DAB1: variants seen among roughly 807,000 people sequenced by gnomAD.
DAB1 encodes the protein disabled homolog 1.
Under a neutral mutation model 64.6 loss-of-function variants are expected in DAB1, and 15 were observed. The ratio of observed to expected loss-of-function variants is 0.23; its 90% CI spans 0.16 to 0.36. DAB1 has a LOEUF of 0.36. Ranked by LOEUF, DAB1 falls within the 10% of genes least tolerant of loss-of-function variation. The pLI is 1.00. For synonymous variants in DAB1, 235 were observed against 251.9 expected, an observed-to-expected ratio of 0.93 and a Z score of 0.64; for missense variants, 596 against 706.7, an observed-to-expected ratio of 0.84 and a Z score of 1.78.
At chr1:58,138,910 G>A (rs1428152195) in intron 5 of DAB1, among the ~76,000 whole-genome samples, 1 of 152,164 alleles carries the variant, frequency 6.6e-6, no homozygotes, top group African/African-American at 2.4e-5. Context: ...ATAGGTAAAT[G>A]GATGGACAAA....
intron 4 of DAB1, among the ~76,000 whole-genome samples, chr1:58,270,910 A>G (rs1225710827): frequency 1.1e-4 from 4 of 35,948 alleles, no homozygotes; most frequent in African/African-American, 2.8e-4. Context: ...TTATCAGCTT[A>G]AGGAGAGTTT....
At chr1:58,312,700 A>G (rs955275684) in intron 4 of DAB1, among the ~76,000 whole-genome samples, 1 of 152,190 alleles carries the variant, frequency 6.6e-6, no homozygotes, top group Non-Finnish European at 1.5e-5. Flanking sequence ...GGAAATGAAT[A>G]GCAAATGTTT....
At chr1:57,723,761 A>T (rs1256718986) in intron 6 of DAB1, among the ~76,000 whole-genome samples, 1 of 152,264 alleles carries the variant, frequency 6.6e-6, no homozygotes, top group Non-Finnish European at 1.5e-5. Flanking sequence ...ATAAACCCAC[A>T]TGGCTTTTTT....
chr1:57,156,149 C>A (rs1235915632), intron 2 of DAB1, among the ~76,000 whole-genome samples: 1 of 152,122 alleles, frequency 6.6e-6, no homozygotes, highest in Non-Finnish European at 1.5e-5. Flanking sequence ...TGTGCCTCCG[C>A]TTTCACCCTC....
intron 4 of DAB1, among the ~76,000 whole-genome samples, chr1:58,340,187 A>G (rs1250107714): frequency 6.6e-6 from 1 of 152,212 alleles, no homozygotes; most frequent in Non-Finnish European, 1.5e-5. Flanking sequence ...GAATATTAAC[A>G]GAAAGGATTT....
intron 5 of DAB1, among the ~76,000 whole-genome samples, chr1:57,961,368 CCTT>C (rs1320275555): frequency 6.6e-6 from 1 of 152,046 alleles, no homozygotes; most frequent in Non-Finnish European, 1.5e-5. Flanking sequence ...TTTTCAATTT[CCTT>C]CTTCTCAAAA....
chr1:57,674,163 T>G lies in DAB1; in HGVS notation n.552-24498A>C, dbSNP rs573425588. 1.7e-3 allele frequency among the ~76,000 whole-genome samples: 252 copies of G among 152,298 alleles called. 3 individuals are homozygous for G. Among genetic ancestry groups the G allele is most frequent in the South Asian group, 4.3e-3 (21 of 4,832 alleles). Reference sequence around the variant, plus strand: ...ATGTGTTTACACCATCTGGTCTCTATAAACTAGAAGTAATTCTGTCTCAAG... The same window carrying G: ...ATGTGTTTACACCATCTGGTCTCTAGAAACTAGAAGTAATTCTGTCTCAAG... On this transcript the variant is annotated intron_variant and non_coding_transcript_variant, in intron 6 of 20. Transcript: ENST00000485760.
intron 2 of DAB1, among the ~76,000 whole-genome samples, chr1:57,169,412 T>C (rs1661516706): frequency 6.6e-6 from 1 of 152,218 alleles, no homozygotes; most frequent in Non-Finnish European, 1.5e-5. Flanking sequence ...ACTTTAAAGA[T>C]GAGGAAACCA....
chr1:57,062,530 T>C (rs1173312225), intron 9 of DAB1, among the ~76,000 whole-genome samples: 2 of 152,170 alleles, frequency 1.3e-5, no homozygotes, highest in South Asian at 2.1e-4. Flanking sequence ...TTAGATACCA[T>C]AATACTGTAA....
At chr1:57,754,061 G>T (rs947785697) in intron 6 of DAB1, among the ~76,000 whole-genome samples, 1 of 152,194 alleles carries the variant, frequency 6.6e-6, no homozygotes. Flanking sequence ...GAGCAAGAAT[G>T]AGAGCTTATC....
chr1:57,663,593 T>C (rs2101673363), intron 6 of DAB1, among the ~76,000 whole-genome samples: 1 of 152,244 alleles, frequency 6.6e-6, no homozygotes, highest in Middle Eastern at 3.4e-3. Context: ...TTGTCTGCGG[T>C]AATGAGAGTT....
At chr1:58,385,186 G>A (rs1644422824) in intron 3 of DAB1, among the ~76,000 whole-genome samples, 1 of 152,224 alleles carries the variant, frequency 6.6e-6, no homozygotes, top group Non-Finnish European at 1.5e-5. Flanking sequence ...GATGGTAGCA[G>A]GAGTGTATAC....
At chr1:58,372,378 C>T (rs2093864) in intron 3 of DAB1, among the ~76,000 whole-genome samples, 111,429 of 152,098 alleles carry the variant, frequency 0.73, 42,076 homozygotes, top group Middle Eastern at 0.84. Context: ...AATGGGAGCA[C>T]TTATCCAACG....
intron 1 of DAB1, among the ~76,000 whole-genome samples, chr1:57,837,832 C>T (rs1486678377): frequency 1.3e-5 from 2 of 149,362 alleles, no homozygotes; most frequent in Non-Finnish European, 3.0e-5. Flanking sequence ...ACCTCCGCCC[C>T]CACCACCATT....
chr1:58,372,736 T>C (rs1463411312), intron 3 of DAB1, among the ~76,000 whole-genome samples: 1 of 152,176 alleles, frequency 6.6e-6, no homozygotes, highest in Non-Finnish European at 1.5e-5. Context: ...CATGCTGCTC[T>C]TGTGAGTTTT....
rs916798310 is a variant in DAB1 at position 58,147,056 on chromosome 1, C to G, written n.387+3455G>C. On this transcript the variant is annotated intron_variant and non_coding_transcript_variant, in intron 5 of 20. Coordinates refer to the DAB1 transcript ENST00000485760. The stretch of plus-strand genomic sequence containing the variant: ...GTGCAGTGGCTCACGCCTGTAATCC[C>G]AGCACTTTGGGAGGCTGAGGTGGGC... 3.9e-5 allele frequency among the ~76,000 whole-genome samples: 6 copies of G among 152,124 alleles called. No homozygotes were observed. The East Asian group carries it at 1.2e-3, about 29-fold the overall frequency.
intron 1 of DAB1, among the ~76,000 whole-genome samples, chr1:57,422,920 C>T (rs764208072): frequency 3.9e-4 from 59 of 152,262 alleles, no homozygotes; most frequent in East Asian, 7.8e-4. Flanking sequence ...GCCCTCCCAC[C>T]AGGGGTCACA....
At chr1:58,456,888 T>C (rs1645197418) in intron 3 of DAB1, among the ~76,000 whole-genome samples, 1 of 152,158 alleles carries the variant, frequency 6.6e-6, no homozygotes, top group South Asian at 2.1e-4. Context: ...GATTTTAATA[T>C]GCATGCAGGG....
At chr1:57,749,562 C>T (rs934764606) in intron 6 of DAB1, among the ~76,000 whole-genome samples, 2 of 152,068 alleles carry the variant, frequency 1.3e-5, no homozygotes, top group Middle Eastern at 3.2e-3. Context: ...CCCAGTAAGC[C>T]GCAGGGCATG....
Sources: allele counts gnomAD v4.1 joint callset (sites outside exome capture counted in the v4.1 genomes callset), GRCh38; gene constraint gnomAD v4.1.1; transcripts MANE v1.5; gene names NCBI Gene and HGNC (gene_info 2026-07-23, HGNC 2026-07-21).